Variants in ARHGEF38 observed in about 807,000 individuals in gnomAD.
ARHGEF38 encodes Rho guanine nucleotide exchange factor (GEF) 38.
Under a neutral mutation model 79.9 loss-of-function variants are expected in ARHGEF38, and 79 were observed. That is an observed-to-expected ratio of 0.99 (90% confidence interval 0.82 to 1.19). ARHGEF38 has a LOEUF of 1.19. Among genes scored for constraint, ARHGEF38 ranks in the 50% most tolerant of loss-of-function variants. The probability of loss-of-function intolerance (pLI) is 0.00; values close to 1 mark genes in which losing one functional copy is unlikely to be tolerated. For missense variants in ARHGEF38, 962 were observed against 907.2 expected (o/e 1.06, Z -0.78); for synonymous variants, 366 against 328.3 (o/e 1.11, Z -1.24).
At chr4:105,603,162 A>G (rs1403022553) in intron 2 of ARHGEF38, among the ~76,000 whole-genome samples, 1 of 152,106 alleles carries the variant, frequency 6.6e-6, no homozygotes, top group Non-Finnish European at 1.5e-5. Flanking sequence ...TAGCTACAAT[A>G]TATTGAGTAC....
intron 13 of ARHGEF38, among the ~76,000 whole-genome samples, chr4:105,675,989 C>A (rs1432398761): frequency 6.6e-6 from 1 of 152,184 alleles, no homozygotes; most frequent in Non-Finnish European, 1.5e-5. Flanking sequence ...CAGTCCATAG[C>A]AATGTGGTTC....
chr4:105,649,272 C>G (rs1729989707), intron 7 of ARHGEF38, among the ~76,000 whole-genome samples: 2 of 152,104 alleles, frequency 1.3e-5, no homozygotes, highest in Admixed American at 1.3e-4. Flanking sequence ...CACTGTCATC[C>G]CAATCCCTAA....
intron 13 of ARHGEF38, among the ~76,000 whole-genome samples, chr4:105,669,049 AAAT>A (rs986953894): frequency 6.6e-6 from 1 of 151,856 alleles, no homozygotes; most frequent in Non-Finnish European, 1.5e-5. Context: ...CTGTCTTTAG[AAAT>A]AATAATAATA....
chr4:105,613,449 G>A lies in ARHGEF38; in HGVS notation c.450G>A (p.Lys150=). The change falls in exon 3 of 14, where the codon AAG becomes AAA. Residue 150 remains lysine (K), a synonymous_variant. Coordinates refer to ENST00000420470, the MANE Select transcript of ARHGEF38 (RefSeq NM_001242729.2). ...AGTCCGTGCATCAGATATCAGCCAA[G>A]CTGCTGTCATTGTTGGAAGAGGCCA... ...NIESVHQISA[K]LLSLLEEATT... 1 of 1,613,442 alleles carries A rather than the reference G, an allele frequency of 6.2e-7. No homozygotes were observed. Among genetic ancestry groups the A allele is most frequent in the South Asian group, 1.1e-5 (1 of 91,018 alleles).
chr4:105,583,721 T>C (rs1257550759), intron 1 of ARHGEF38, among the ~76,000 whole-genome samples: 1 of 152,236 alleles, frequency 6.6e-6, no homozygotes, highest in Non-Finnish European at 1.5e-5. Context: ...AATTTTTTTT[T>C]TATTGCTGTA....
chr4:105,672,122 A>T (rs922173008), intron 13 of ARHGEF38, among the ~76,000 whole-genome samples: 1 of 152,152 alleles, frequency 6.6e-6, no homozygotes, highest in African/African-American at 2.4e-5. Context: ...TTTAACCTGG[A>T]CGCGAAGACC....
chr4:105,580,714 T>G (rs185634994), intron 1 of ARHGEF38, among the ~76,000 whole-genome samples: 37 of 152,262 alleles, frequency 2.4e-4, no homozygotes, highest in Middle Eastern at 3.4e-3. Context: ...TTTGTGTCTT[T>G]GTTTGTTTGT....
chr4:105,679,049 C>T lies in ARHGEF38; in HGVS notation c.*1112C>T. ...ACACTGCTAAATTAACTATCAAATACTCAGTCAAAACTCCATTTGTGGCCC... is the reference window on the plus strand; with the variant it reads ...ACACTGCTAAATTAACTATCAAATATTCAGTCAAAACTCCATTTGTGGCCC... On this transcript the variant is annotated 3_prime_UTR_variant, in exon 14 of 14. Transcript: ENST00000420470. The T allele has an allele frequency of 4.8e-6, 2 of 412,858 alleles. No individual in the cohort carries two copies. The highest frequency in any genetic ancestry group is 8.0e-6 in the Non-Finnish European group (2 of 250,792). 25.6% of individuals were successfully genotyped at this position (412,858 alleles called of 1,614,324 possible). A position where few individuals can be genotyped will look rare whatever the true frequency, so the allele number is the denominator to read the frequency against.
At chr4:105,658,122 GA>G (rs1343197701) in intron 9 of ARHGEF38, among the ~76,000 whole-genome samples, 2 of 152,174 alleles carry the variant, frequency 1.3e-5, no homozygotes, top group African/African-American at 4.8e-5. Context: ...TTAAGACACA[GA>G]AACAGCATCA....
rs888291938 is a variant in ARHGEF38, at chr4:105,559,917, A to G, written c.196+6956A>G. 2.0e-5 allele frequency among the ~76,000 whole-genome samples: 3 copies of G among 152,294 alleles called. No individual in the cohort carries two copies. In the East Asian group the frequency reaches 5.8e-4, roughly 29 times the overall value. On this transcript the variant is annotated intron_variant, in intron 1 of 13. Coordinates refer to ENST00000420470, the MANE Select transcript of ARHGEF38 (RefSeq NM_001242729.2). Reference sequence around the variant, plus strand: ...GTCACACACACTGTTACTGAATCCCAACTTCTCTTCTGTTCAGTTCTGATT... The same window carrying G: ...GTCACACACACTGTTACTGAATCCCGACTTCTCTTCTGTTCAGTTCTGATT...
chr4:105,620,724 C>G (rs946229252), intron 3 of ARHGEF38, among the ~76,000 whole-genome samples: 1 of 152,102 alleles, frequency 6.6e-6, no homozygotes, highest in Admixed American at 6.6e-5. Context: ...TTTAACATAT[C>G]AAGTGTCATT....
At chr4:105,624,393 CAG>C (rs1349295869) in intron 3 of ARHGEF38, among the ~76,000 whole-genome samples, 1 of 152,082 alleles carries the variant, frequency 6.6e-6, no homozygotes, top group Non-Finnish European at 1.5e-5. Context: ...TCTAGGAAAC[CAG>C]AGTTTTTTTC....
intron 3 of ARHGEF38, among the ~76,000 whole-genome samples, chr4:105,616,765 C>T (rs187675123): frequency 2.2e-4 from 33 of 152,238 alleles, no homozygotes; most frequent in African/African-American, 7.9e-4. Context: ...TGACCATAGA[C>T]AATCAGAAGA....
chr4:105,666,999 C>T (rs996938854), intron 11 of ARHGEF38, 130 bp from the exon 12 acceptor site: 7 of 817,756 alleles, frequency 8.6e-6, no homozygotes, highest in Non-Finnish European at 1.3e-5. Flanking sequence ...TATGCCTGCA[C>T]CTTGAAATAA....
At chr4:105,578,423 A>G (rs1726609669) in intron 1 of ARHGEF38, among the ~76,000 whole-genome samples, 1 of 152,128 alleles carries the variant, frequency 6.6e-6, no homozygotes, top group African/African-American at 2.4e-5. Context: ...ATGTTCTATA[A>G]TATCTGTTAG....
rs193054018 is a variant in ARHGEF38, at chr4:105,563,694, T to A, written c.196+10733T>A. 2.8e-3 allele frequency among the ~76,000 whole-genome samples: 431 copies of A among 152,256 alleles called. 2 individuals carry two copies. The highest frequency in any genetic ancestry group is 9.9e-3 in the African/African-American group (413 of 41,556). Reference sequence around the variant, plus strand: ...GTTTTTAGTAGTAGTACCTGTTTTATGGTTTGCTCTTAAGAAATCAACTGA... The same window carrying A: ...GTTTTTAGTAGTAGTACCTGTTTTAAGGTTTGCTCTTAAGAAATCAACTGA... On this transcript the variant is annotated intron_variant, in intron 1 of 13. Coordinates refer to ENST00000420470, the MANE Select transcript of ARHGEF38 (RefSeq NM_001242729.2).
chr4:105,569,281 A>G (rs1202268642), intron 1 of ARHGEF38, among the ~76,000 whole-genome samples: 1 of 152,188 alleles, frequency 6.6e-6, no homozygotes, highest in African/African-American at 2.4e-5. Flanking sequence ...ATGCTAAACA[A>G]CATGCCAGGG....
chr4:105,666,468 A>G (rs1003339252), intron 11 of ARHGEF38, 148 bp downstream of exon 11: 11 of 976,116 alleles, frequency 1.1e-5, no homozygotes, highest in Non-Finnish European at 1.5e-5. Flanking sequence ...TTTCTATCCT[A>G]TATACCATAA....
rs181272056 is a variant in ARHGEF38, at chr4:105,652,902, T to C, written c.1009-1163T>C. On this transcript the variant is annotated intron_variant, in intron 7 of 13. Transcript: ENST00000420470. ...TTAAAAATAAAATAAAATGTCACCA[T>C]TTTTGATACATTGAGTTCTAATATC... is the stretch of plus-strand genomic sequence containing the variant. Among the ~76,000 whole-genome samples, 641 of 152,312 alleles carry C rather than the reference T, an allele frequency of 4.2e-3. 1 individual carries two copies. Among genetic ancestry groups the C allele is most frequent in the Non-Finnish European group, 6.9e-3 (467 of 68,012 alleles).
Sources: allele counts gnomAD v4.1 joint callset (sites outside exome capture counted in the v4.1 genomes callset), GRCh38; gene constraint gnomAD v4.1.1; transcripts MANE v1.5; gene names NCBI Gene and HGNC (gene_info 2026-07-23, HGNC 2026-07-21).